Variants in FSTL4 observed in about 807,000 individuals in gnomAD.
FSTL4 encodes follistatin-related protein 4.
Under a neutral mutation model 78.2 loss-of-function variants are expected in FSTL4, and 28 were observed. The observed-to-expected ratio is 0.36, with a 90% CI of 0.27 to 0.49. The LOEUF is 0.49. Ranked by LOEUF, FSTL4 falls within the 20% of genes least tolerant of loss-of-function variation. FSTL4 has a pLI of 0.98. For missense variants in FSTL4, 922 were observed against 1,084.9 expected, an observed-to-expected ratio of 0.85 and a Z score of 2.11; for synonymous variants, 422 against 440.5, an observed-to-expected ratio of 0.96 and a Z score of 0.53.
intron 6 of FSTL4, among the ~76,000 whole-genome samples, chr5:133,289,110 A>T (rs1242247057): frequency 6.6e-6 from 1 of 152,166 alleles, no homozygotes; most frequent in Non-Finnish European, 1.5e-5. Flanking sequence ...GCCCTTGGGA[A>T]CTGGGATAAC....
chr5:133,813,133 A>G, the FSTL4 span, among the ~76,000 whole-genome samples: 5 of 150,610 alleles, frequency 3.3e-5, no homozygotes, highest in African/African-American at 5.0e-5. Flanking sequence ...CTCCTGTCCA[A>G]TGGAGGAGAG....
the FSTL4 span, among the ~76,000 whole-genome samples, chr5:133,671,467 G>A: frequency 6.6e-6 from 1 of 152,188 alleles, no homozygotes; most frequent in African/African-American, 2.4e-5. Context: ...GGTATATAAT[G>A]TTACAAATGC....
the FSTL4 span, among the ~76,000 whole-genome samples, chr5:133,705,269 C>A: frequency 7.9e-5 from 12 of 152,256 alleles, no homozygotes; most frequent in East Asian, 2.3e-3. Flanking sequence ...CCATCTTGGC[C>A]AGGCTGGTCT....
At chr5:133,515,179 A>G (rs548113467) in intron 3 of FSTL4, among the ~76,000 whole-genome samples, 4 of 152,364 alleles carry the variant, frequency 2.6e-5, no homozygotes, top group South Asian at 4.1e-4. Context: ...AGAAAAGACT[A>G]ACAAAAAGTC....
At chr5:133,784,343 A>G in the FSTL4 span, among the ~76,000 whole-genome samples, 2 of 152,216 alleles carry the variant, frequency 1.3e-5, no homozygotes, top group African/African-American at 4.8e-5. Context: ...AACTGAGGCC[A>G]GGAAAAACAA....
intron 3 of FSTL4, among the ~76,000 whole-genome samples, chr5:133,501,515 A>G (rs1430528153): frequency 6.6e-6 from 1 of 152,160 alleles, no homozygotes; most frequent in Non-Finnish European, 1.5e-5. Flanking sequence ...AACAGGTATA[A>G]ACTGAGGTCA....
chr5:133,538,076 T>C (rs952973474), intron 3 of FSTL4, among the ~76,000 whole-genome samples: 7 of 151,916 alleles, frequency 4.6e-5, no homozygotes, highest in African/African-American at 1.7e-4. Context: ...CCACAGTCCA[T>C]ATTCAATTTT....
intron 4 of FSTL4, among the ~76,000 whole-genome samples, chr5:133,353,498 G>A (rs1754874754): frequency 6.6e-6 from 1 of 152,098 alleles, no homozygotes; most frequent in African/African-American, 2.4e-5. Context: ...CTCCCCTGGA[G>A]TTTGGCAGGA....
At chr5:133,484,363 T>TA (rs1361797945) in intron 3 of FSTL4, among the ~76,000 whole-genome samples, 1 of 152,192 alleles carries the variant, frequency 6.6e-6, no homozygotes, top group Non-Finnish European at 1.5e-5. Flanking sequence ...TTTTAAGAAA[T>TA]AGAGTTTTTC....
chr5:133,444,949 C>T (rs569309157), intron 3 of FSTL4, among the ~76,000 whole-genome samples: 9 of 152,318 alleles, frequency 5.9e-5, no homozygotes, highest in South Asian at 4.1e-4. Flanking sequence ...CTCCTACTGC[C>T]GCCACTGACC....
the FSTL4 span, among the ~76,000 whole-genome samples, chr5:133,816,036 G>A: frequency 6.6e-6 from 1 of 152,188 alleles, no homozygotes; most frequent in Non-Finnish European, 1.5e-5. Flanking sequence ...AGAGTTAAGC[G>A]GGCTCTGGAC....
the FSTL4 span, among the ~76,000 whole-genome samples, chr5:133,785,839 A>G: frequency 1.3e-5 from 2 of 152,258 alleles, no homozygotes; most frequent in African/African-American, 2.4e-5. Context: ...CAGGGTCACA[A>G]TCACCTGCCC....
At chr5:133,593,386 T>C (rs1198635064) in intron 2 of FSTL4, among the ~76,000 whole-genome samples, 1 of 151,654 alleles carries the variant, frequency 6.6e-6, no homozygotes, top group Non-Finnish European at 1.5e-5. Context: ...CAGGCTCTGG[T>C]GGATAAGTTT....
At chr5:133,384,376 G>C (rs899958119) in intron 4 of FSTL4, among the ~76,000 whole-genome samples, 6 of 152,238 alleles carry the variant, frequency 3.9e-5, no homozygotes, top group African/African-American at 1.4e-4. Flanking sequence ...ACTTTCCCAG[G>C]ACTGTTCAGG....
intron 3 of FSTL4, among the ~76,000 whole-genome samples, chr5:133,562,453 C>T (rs1388948696): frequency 6.6e-6 from 1 of 152,138 alleles, no homozygotes; most frequent in African/African-American, 2.4e-5. Flanking sequence ...AAGTGAGGCT[C>T]TAGTTTCACA....
intron 2 of FSTL4, among the ~76,000 whole-genome samples, chr5:133,601,079 C>T (rs1235368094): frequency 1.3e-5 from 2 of 152,168 alleles, no homozygotes; most frequent in Non-Finnish European, 2.9e-5. Context: ...CAAGCCTGTC[C>T]GGCCTGCAGG....
chr5:133,785,745 C>T, the FSTL4 span, among the ~76,000 whole-genome samples: 4 of 152,160 alleles, frequency 2.6e-5, no homozygotes, highest in African/African-American at 9.7e-5. Flanking sequence ...AGGTTGGGTT[C>T]TTTCAGAGAT....
chr5:133,318,931 G>A (rs369116137), intron 4 of FSTL4, among the ~76,000 whole-genome samples: 4 of 152,262 alleles, frequency 2.6e-5, no homozygotes, highest in East Asian at 1.9e-4. Context: ...CATGGAGAGC[G>A]CCCTGGGAGT....
the FSTL4 span, among the ~76,000 whole-genome samples, chr5:133,628,916 G>A: frequency 0.22 from 19,002 of 86,836 alleles, 2,743 homozygotes; most frequent in South Asian, 0.27. Flanking sequence ...CAATCATGTC[G>A]TCTGCAAACA....
Sources: allele counts gnomAD v4.1 joint callset (sites outside exome capture counted in the v4.1 genomes callset), GRCh38; gene constraint gnomAD v4.1.1; transcripts MANE v1.5; gene names NCBI Gene and HGNC (gene_info 2026-07-23, HGNC 2026-07-21).